EYS: variants seen among roughly 807,000 people sequenced by gnomAD.
EYS encodes EGF-like photoreceptor maintenance factor, also known as protein eyes shut homolog.
A neutral mutation model predicts 282.1 loss-of-function variants in EYS; 250 were observed. The ratio of observed to expected loss-of-function variants is 0.89; its 90% CI spans 0.80 to 0.98. The LOEUF (loss-of-function observed/expected upper bound fraction) is 0.98, where lower values mean the gene tolerates loss of function less well. EYS is among the 50% of genes least tolerant of loss of function. EYS has a pLI of 0.00. For synonymous variants in EYS, 1,355 were observed against 1,282.9 expected (o/e 1.06, Z -1.20); for missense variants, 4,016 against 3,709.0 (o/e 1.08, Z -2.15).
chr6:64,337,462 A>C (rs950730327), intron 29 of EYS, among the ~76,000 whole-genome samples: 5 of 152,056 alleles, frequency 3.3e-5, no homozygotes, highest in African/African-American at 7.2e-5. Context: ...GACCAATAAG[A>C]AACAGTGAGA....
At chr6:64,812,142 G>A (rs1304650117) in intron 22 of EYS, among the ~76,000 whole-genome samples, 1 of 151,406 alleles carries the variant, frequency 6.6e-6, no homozygotes, top group African/African-American at 2.4e-5. Context: ...ATTTCCATTT[G>A]TATAAAAAAC....
intron 36 of EYS, among the ~76,000 whole-genome samples, chr6:63,813,061 C>G (rs1275607115): frequency 6.6e-6 from 1 of 152,150 alleles, no homozygotes; most frequent in African/African-American, 2.4e-5. Flanking sequence ...TCACTGCAAC[C>G]TCCATCTCCT....
At chr6:64,847,836 C>T (rs1456036486) in intron 19 of EYS, among the ~76,000 whole-genome samples, 1 of 152,014 alleles carries the variant, frequency 6.6e-6, no homozygotes, top group Non-Finnish European at 1.5e-5. Flanking sequence ...CCTTCTTACC[C>T]TCACTGTGAA....
At chr6:65,310,812 G>A (rs1223493979) in intron 11 of EYS, among the ~76,000 whole-genome samples, 1 of 151,992 alleles carries the variant, frequency 6.6e-6, no homozygotes, top group Non-Finnish European at 1.5e-5. Context: ...CTTCAAATGG[G>A]TTTTCACCAT....
chr6:65,638,233 G>A (rs1177498464), intron 2 of EYS, among the ~76,000 whole-genome samples: 1 of 152,122 alleles, frequency 6.6e-6, no homozygotes, highest in African/African-American at 2.4e-5. Context: ...AGAAAGGAGC[G>A]ATCCACTAGG....
intron 26 of EYS, among the ~76,000 whole-genome samples, chr6:64,530,776 T>A (rs1764303980): frequency 6.6e-6 from 1 of 152,118 alleles, no homozygotes; most frequent in Admixed American, 6.5e-5. Context: ...AAATGTCTCA[T>A]TAAAATAATC....
chr6:63,892,172 T>C (rs955038331), intron 35 of EYS, among the ~76,000 whole-genome samples: 1 of 152,218 alleles, frequency 6.6e-6, no homozygotes, highest in African/African-American at 2.4e-5. Context: ...ATTTATAAAT[T>C]TGATGCTATT....
At chr6:65,369,580 T>C (rs564632426) in intron 8 of EYS, among the ~76,000 whole-genome samples, 2 of 151,216 alleles carry the variant, frequency 1.3e-5, no homozygotes, top group Non-Finnish European at 2.9e-5. Context: ...ATGCATTTGA[T>C]CTTTCCTTTT....
rs561049833 is a variant in EYS, at chr6:63,987,849, G to A, written c.6835-3246C>T. Among the ~76,000 whole-genome samples, 168 of 151,650 alleles carry A rather than the reference G, an allele frequency of 1.1e-3. 5 individuals carry two copies. The South Asian group carries it at 0.033, about 30-fold the overall frequency. ...TATTGCTTTACATTTATACTAATACGTGCTGTTTTCATGTGGATGTACTTT... is the reference window on the plus strand; with the variant it reads ...TATTGCTTTACATTTATACTAATACATGCTGTTTTCATGTGGATGTACTTT... On this transcript the variant is annotated intron_variant, in intron 34 of 42. Transcript: ENST00000503581.
At chr6:65,489,102 G>T (rs1765924343) in intron 5 of EYS, among the ~76,000 whole-genome samples, 1 of 152,104 alleles carries the variant, frequency 6.6e-6, no homozygotes, top group Admixed American at 6.6e-5. Context: ...AAAAGCAATG[G>T]CAACAAAAGC....
Position 64,591,949 on chromosome 6 carries a change from T to A in EYS, c.3918A>T (p.Pro1306=), listed in dbSNP as rs997369455. The change falls in exon 26 of 43, where the codon CCA becomes CCT. Residue 1306 remains proline, a synonymous_variant. Coordinates refer to ENST00000503581, the MANE Select transcript of EYS (RefSeq NM_001142800.2). ...QTGIVKHDIL[P]TTGLATLRIS... ...TTCTTAATGTTGCCAAACCAGTGGTTGGGAGAATGTCGTGCTTGACAATGC... is the reference window on the plus strand; with the variant it reads ...TTCTTAATGTTGCCAAACCAGTGGTAGGGAGAATGTCGTGCTTGACAATGC... 7 of 1,522,230 alleles carry A rather than the reference T, an allele frequency of 4.6e-6. No homozygotes were observed. The highest frequency in any genetic ancestry group is 6.2e-6 in the Non-Finnish European group (7 of 1,130,574). 94.3% of individuals were successfully genotyped at this position (1,522,230 alleles called of 1,614,324 possible).
At chr6:63,880,487 G>GTATCTATCTATCTATCTATCTATCTATC (rs56891791) in intron 35 of EYS, among the ~76,000 whole-genome samples, 35 of 142,878 alleles carry the variant, frequency 2.4e-4, no homozygotes, top group South Asian at 4.7e-4. Flanking sequence ...CTGTCTGTCT[G>GTATCTATCTATCTATCTATCTATCTATC]TATCTATCTA....
chr6:65,366,583 T>C (rs1353882256), intron 8 of EYS, among the ~76,000 whole-genome samples: 3 of 151,834 alleles, frequency 2.0e-5, no homozygotes, highest in African/African-American at 7.2e-5. Flanking sequence ...GATTTTCAGC[T>C]AGCAAGTTTA....
intron 15 of EYS, among the ~76,000 whole-genome samples, chr6:64,944,367 A>G (rs938978051): frequency 1.3e-5 from 2 of 152,150 alleles, no homozygotes; most frequent in African/African-American, 4.8e-5. Context: ...AAAATTGACA[A>G]GTAAGATTAA....
intron 12 of EYS, among the ~76,000 whole-genome samples, chr6:65,062,163 T>C (rs1246779697): frequency 2.0e-5 from 3 of 151,958 alleles, no homozygotes; most frequent in Admixed American, 2.0e-4. Flanking sequence ...CTGGCTTCAA[T>C]GCCTAATTAA....
At chr6:65,382,213 GTTTTTTTTTT>G (rs67123749) in intron 8 of EYS, among the ~76,000 whole-genome samples, 2 of 105,016 alleles carry the variant, frequency 1.9e-5, no homozygotes. Flanking sequence ...ATCCTTTGGT[GTTTTTTTTTT>G]TTTTTTTTTG....
At chr6:65,417,853 G>A (rs1582265839) in intron 5 of EYS, among the ~76,000 whole-genome samples, 1 of 151,990 alleles carries the variant, frequency 6.6e-6, no homozygotes, top group African/African-American at 2.4e-5. Flanking sequence ...ATGGCTGCCA[G>A]AAGCCCAAAA....
At position 63,762,617 on chromosome 6, in the gene EYS, C is replaced by A. The variant is rs778077385; in HGVS notation, c.7915G>T (p.Gly2639Trp). ...GTSVYCNCTT[G>W]WKGSFCTETV... ...TCTGTGCAGAATGATCCTTTCCACC[C>A]AGTGGTACAATTGCAGCTGTGGGTT... Residue 2639 changes from glycine (G) to tryptophan (W), a missense_variant, in exon 41 of 43, where the codon GGG becomes TGG. Gly to Trp is a radical substitution (Grantham distance 184). Coordinates refer to ENST00000503581, the MANE Select transcript of EYS (RefSeq NM_001142800.2). 1.3e-6 allele frequency: 2 copies of A among 1,549,896 alleles called. No homozygotes were observed. Among genetic ancestry groups the A allele is most frequent in the South Asian group, 2.4e-5 (2 of 83,876 alleles).
intron 35 of EYS, among the ~76,000 whole-genome samples, chr6:63,964,152 T>C (rs1252475014): frequency 1.3e-5 from 2 of 152,178 alleles, no homozygotes; most frequent in Non-Finnish European, 2.9e-5. Flanking sequence ...GAAATACTTA[T>C]GTATTCTCAG....
Sources: allele counts gnomAD v4.1 joint callset (sites outside exome capture counted in the v4.1 genomes callset), GRCh38; gene constraint gnomAD v4.1.1; transcripts MANE v1.5; gene names NCBI Gene and HGNC (gene_info 2026-07-23, HGNC 2026-07-21).